The following RBFOX1 variants were observed in gnomAD, a reference collection of about 807,000 sequenced individuals.
RBFOX1 encodes the protein RNA binding fox-1 homolog 1, also known as RNA binding protein fox-1 homolog 1.
A neutral mutation model predicts 57.7 loss-of-function variants in RBFOX1; 8 were observed. The observed-to-expected ratio is 0.14, with a 90% CI of 0.08 to 0.25. RBFOX1 has a LOEUF of 0.25. Ranked by LOEUF, RBFOX1 falls within the 10% of genes least tolerant of loss-of-function variation. The pLI, the probability that RBFOX1 is intolerant of heterozygous loss-of-function variation, is 1.00. For synonymous variants in RBFOX1, 326 were observed against 222.4 expected (o/e 1.47, Z -4.15); for missense variants, 611 against 548.5 (o/e 1.11, Z -1.14).
intron 2 of RBFOX1, among the ~76,000 whole-genome samples, chr16:6,504,650 G>A (rs1401927543): frequency 2.0e-5 from 3 of 152,296 alleles, no homozygotes; most frequent in Middle Eastern, 3.4e-3. Context: ...GGTATGACCT[G>A]TCCCACTGCC....
At chr16:6,058,070 C>T (rs1357600065) in intron 1 of RBFOX1, among the ~76,000 whole-genome samples, 2 of 152,094 alleles carry the variant, frequency 1.3e-5, no homozygotes, top group East Asian at 1.9e-4. Context: ...AAGGAGCAAA[C>T]GCAGACACAC....
chr16:7,229,027 C>A (rs1215252639), intron 4 of RBFOX1, among the ~76,000 whole-genome samples: 2 of 151,998 alleles, frequency 1.3e-5, no homozygotes, highest in Admixed American at 6.5e-5. Flanking sequence ...AAGAACAATG[C>A]ATAACAGATG....
chr16:6,749,598 G>A (rs1468477305), intron 3 of RBFOX1, among the ~76,000 whole-genome samples: 1 of 152,120 alleles, frequency 6.6e-6, no homozygotes, highest in Admixed American at 6.6e-5. Context: ...TTCATTCATT[G>A]CACCGTTTAT....
At chr16:7,471,953 G>T (rs2061627543) in intron 4 of RBFOX1, among the ~76,000 whole-genome samples, 1 of 152,074 alleles carries the variant, frequency 6.6e-6, no homozygotes, top group African/African-American at 2.4e-5. Context: ...TGAAGAAGCT[G>T]ACAAAAAAGG....
intron 3 of RBFOX1, among the ~76,000 whole-genome samples, chr16:5,680,207 C>A (rs1356253261): frequency 6.6e-6 from 1 of 152,116 alleles, no homozygotes; most frequent in South Asian, 2.1e-4. Context: ...TGCAGGACAC[C>A]ATGAAACCTT....
chr16:7,254,306 C>A (rs569306666), intron 4 of RBFOX1, among the ~76,000 whole-genome samples: 4 of 152,192 alleles, frequency 2.6e-5, no homozygotes, highest in East Asian at 3.9e-4. Context: ...GCCTTTAGCC[C>A]TTTTCTTGGA....
intron 2 of RBFOX1, among the ~76,000 whole-genome samples, chr16:6,418,907 G>A (rs2093699608): frequency 6.6e-6 from 1 of 152,156 alleles, no homozygotes; most frequent in Non-Finnish European, 1.5e-5. Context: ...AAGGTCCTAT[G>A]TGGAAGAACC....
chr16:6,079,594 C>T (rs114024109), intron 1 of RBFOX1, among the ~76,000 whole-genome samples: 4,941 of 151,540 alleles, frequency 0.033, 134 homozygotes, highest in Admixed American at 0.06. Context: ...AGCTACCACT[C>T]CTGGCTGTAA....
intron 1 of RBFOX1, among the ~76,000 whole-genome samples, chr16:6,314,961 C>T (rs4786858): frequency 0.32 from 48,437 of 152,126 alleles, 8,178 homozygotes; most frequent in Middle Eastern, 0.41. Flanking sequence ...CTTGATGGAG[C>T]CTTCCCCACT....
intron 1 of RBFOX1, among the ~76,000 whole-genome samples, chr16:6,280,679 A>G (rs1428763851): frequency 6.6e-6 from 1 of 152,118 alleles, no homozygotes; most frequent in Non-Finnish European, 1.5e-5. Flanking sequence ...GGGAAATTAT[A>G]TAACCAAAAT....
intron 5 of RBFOX1, among the ~76,000 whole-genome samples, chr16:7,524,989 TA>T (rs2078366981): frequency 6.6e-6 from 1 of 152,166 alleles, no homozygotes; most frequent in Non-Finnish European, 1.5e-5. Flanking sequence ...AAATGAAAAC[TA>T]ACATGTCCTA....
At position 7,147,564 on chromosome 16, in the gene RBFOX1, G is replaced by A. The variant is rs1369284736; in HGVS notation, c.27+95466G>A. Among the ~76,000 whole-genome samples, 4 of 152,096 alleles carry A rather than the reference G, an allele frequency of 2.6e-5. No individual in the cohort carries two copies. The East Asian group carries it at 7.7e-4, about 29-fold the overall frequency. ...AGCTCCCACTTACAAGTGAGAATAT[G>A]TGATATTTGGTTTTCTGTTCCTGCA... On this transcript the variant is annotated intron_variant, in intron 4 of 15. Coordinates refer to ENST00000550418, the MANE Select transcript of RBFOX1 (RefSeq NM_018723.4).
At position 6,512,506 on chromosome 16, in the gene RBFOX1, G is replaced by A. The variant is rs117568663; in HGVS notation, c.-63-142097G>A. Among the ~76,000 whole-genome samples, 719 of 152,152 alleles carry A rather than the reference G, an allele frequency of 4.7e-3. 17 individuals carry two copies. The East Asian group carries it at 0.092, about 19-fold the overall frequency. The stretch of plus-strand genomic sequence containing the variant: ...ACAAGTCCAGCATCAGACCAAAGAA[G>A]CCTAATGTAGAGGGTCTGGACCAAG... On this transcript the variant is annotated intron_variant, in intron 2 of 15. Transcript: ENST00000550418.
At chr16:7,275,138 A>G (rs547396394) in intron 4 of RBFOX1, among the ~76,000 whole-genome samples, 1 of 152,202 alleles carries the variant, frequency 6.6e-6, no homozygotes, top group East Asian at 1.9e-4. Flanking sequence ...TCTGAGAGGG[A>G]TAGAGGGAGG....
At chr16:5,357,582 G>C (rs1429825119) in intron 1 of RBFOX1, among the ~76,000 whole-genome samples, 2 of 152,216 alleles carry the variant, frequency 1.3e-5, no homozygotes, top group African/African-American at 4.8e-5. Context: ...TTCAGATTCA[G>C]CAGGTCCAGG....
chr16:6,909,764 T>A (rs920863844), intron 3 of RBFOX1, among the ~76,000 whole-genome samples: 1 of 152,158 alleles, frequency 6.6e-6, no homozygotes, highest in African/African-American at 2.4e-5. Flanking sequence ...TGTTATTTTC[T>A]CCCGAGTGTG....
Position 6,718,531 on chromosome 16 carries a change from G to A in RBFOX1, c.-16+63881G>A, listed in dbSNP as rs141294289. Among the ~76,000 whole-genome samples, 46 of 152,336 alleles carry A rather than the reference G, an allele frequency of 3.0e-4. 1 individual carries two copies. Among genetic ancestry groups the A allele is most frequent in the African/African-American group, 9.9e-4 (41 of 41,582 alleles). On this transcript the variant is annotated intron_variant, in intron 3 of 15. Transcript: ENST00000550418. Reference sequence around the variant, plus strand: ...CCAAAGTGAAACCACCTTTAAGGAGGCAGCATTTTCGTGGAGACCTGACAT... The same window carrying A: ...CCAAAGTGAAACCACCTTTAAGGAGACAGCATTTTCGTGGAGACCTGACAT...
At chr16:7,046,603 CTTTTTTTTT>C (rs59921108) in intron 3 of RBFOX1, among the ~76,000 whole-genome samples, 1 of 85,010 alleles carries the variant, frequency 1.2e-5, no homozygotes. Context: ...TGTGTTTTAT[CTTTTTTTTT>C]TTTTTTTTTT....
intron 2 of RBFOX1, among the ~76,000 whole-genome samples, chr16:6,386,465 T>G (rs1469228261): frequency 6.6e-6 from 1 of 152,198 alleles, no homozygotes; most frequent in Non-Finnish European, 1.5e-5. Context: ...CAAAAATTAC[T>G]GAATAGCTAA....
Sources: allele counts gnomAD v4.1 joint callset (sites outside exome capture counted in the v4.1 genomes callset), GRCh38; gene constraint gnomAD v4.1.1; transcripts MANE v1.5; gene names NCBI Gene and HGNC (gene_info 2026-07-23, HGNC 2026-07-21).